RFX8: variants seen among roughly 807,000 people sequenced by gnomAD.
The protein encoded by RFX8 is DNA-binding protein RFX8.
Under a neutral mutation model 54.6 loss-of-function variants are expected in RFX8, and 46 were observed. The ratio of observed to expected loss-of-function variants is 0.84; its 90% CI spans 0.67 to 1.08. The LOEUF (loss-of-function observed/expected upper bound fraction) is 1.08, where lower values mean the gene tolerates loss of function less well. RFX8 is among the 50% of genes least tolerant of loss of function. The pLI, the probability that RFX8 is intolerant of heterozygous loss-of-function variation, is 0.00. For synonymous variants in RFX8, 192 were observed against 209.5 expected (o/e 0.92, Z 0.72); for missense variants, 536 against 562.3 (o/e 0.95, Z 0.47).
chr2:101,438,741 G>T (rs751394223), intron 2 of RFX8, among the ~76,000 whole-genome samples: 1 of 152,192 alleles, frequency 6.6e-6, no homozygotes, highest in Admixed American at 6.5e-5. Context: ...GGCATTGGGT[G>T]CTGTCACTAC....
intron 2 of RFX8, among the ~76,000 whole-genome samples, chr2:101,427,947 G>A (rs1337267274): frequency 6.6e-6 from 1 of 152,170 alleles, no homozygotes; most frequent in African/African-American, 2.4e-5. Flanking sequence ...GACAGTATCT[G>A]TTACGGACAG....
At chr2:101,469,034 ATATATATG>A (rs1689760530) in intron 1 of RFX8, among the ~76,000 whole-genome samples, 1 of 56,378 alleles carries the variant, frequency 1.8e-5, no homozygotes, top group African/African-American at 6.6e-5. Context: ...ATATATACGT[ATATATATG>A]TATATATATA....
At chr2:101,465,715 A>G (rs1042127188) in intron 2 of RFX8, among the ~76,000 whole-genome samples, 1 of 152,132 alleles carries the variant, frequency 6.6e-6, no homozygotes, top group Non-Finnish European at 1.5e-5. Context: ...CTTAATTTCA[A>G]CTCTTTAGAA....
chr2:101,422,365 ATTACAGGAGTATTTCT>A lies in RFX8; in HGVS notation c.164_179del (p.Lys55IlefsTer2). Reference sequence around the variant, plus strand: ...CTCCCCATGAGTGCAAACCTACCATATTACAGGAGTATTTCTTTGCCTGTTCTTGCTCCAGAAATGG... The same window carrying A: ...CTCCCCATGAGTGCAAACCTACCATATTGCCTGTTCTTGCTCCAGAAATGG... On this transcript the variant is annotated frameshift_variant, in exon 3 of 12. Coordinates refer to ENST00000428343, the MANE Select transcript of RFX8 (RefSeq NM_001145664.2). LOFTEE classifies it high-confidence loss of function. The A allele has an allele frequency of 1.4e-6, 2 of 1,475,550 alleles. No individual in the cohort carries two copies. The highest frequency in any genetic ancestry group is 1.9e-6 in the Non-Finnish European group (2 of 1,077,168). 91.4% of individuals were successfully genotyped at this position (1,475,550 alleles called of 1,614,324 possible). A position where few individuals can be genotyped will look rare whatever the true frequency, so the allele number is the denominator to read the frequency against.
intron 2 of RFX8, among the ~76,000 whole-genome samples, chr2:101,425,941 AACAG>A (rs1447756317): frequency 2.0e-5 from 3 of 152,212 alleles, no homozygotes; most frequent in African/African-American, 7.2e-5. Flanking sequence ...AATGGGTACA[AACAG>A]ACAGAAGAAA....
At chr2:101,472,426 C>G (rs1310587731) in intron 1 of RFX8, among the ~76,000 whole-genome samples, 1 of 152,112 alleles carries the variant, frequency 6.6e-6, no homozygotes, top group Non-Finnish European at 1.5e-5. Flanking sequence ...AACATACCAC[C>G]TCATCAACTG....
intron 9 of RFX8, among the ~76,000 whole-genome samples, chr2:101,408,299 C>G (rs1369557861): frequency 6.6e-6 from 1 of 152,078 alleles, no homozygotes; most frequent in East Asian, 1.9e-4. Context: ...TCCTGGCTAA[C>G]ACGGTGAAAC....
Position 101,461,753 on chromosome 2 carries a change from T to C in RFX8, c.72+5024A>G, listed in dbSNP as rs373109925. Among the ~76,000 whole-genome samples, 4 of 152,174 alleles carry C rather than the reference T, an allele frequency of 2.6e-5. No individual in the cohort carries two copies. The South Asian group carries it at 8.3e-4, about 32-fold the overall frequency. On this transcript the variant is annotated intron_variant, in intron 2 of 11. Coordinates refer to ENST00000428343, the MANE Select transcript of RFX8 (RefSeq NM_001145664.2). ...TAAGTTAAAAATTATACCCTGAATA[T>C]AGAGAGAACTGAAACAAATCAATAG...
At chr2:101,408,191 A>C (rs1685858525) in intron 9 of RFX8, among the ~76,000 whole-genome samples, 1 of 152,168 alleles carries the variant, frequency 6.6e-6, no homozygotes, top group Non-Finnish European at 1.5e-5. Flanking sequence ...TCATCTGATT[A>C]AAGCTGGAGG....
chr2:101,401,526 A>AG (rs1176568981), intron 11 of RFX8, among the ~76,000 whole-genome samples: 1 of 152,198 alleles, frequency 6.6e-6, no homozygotes, highest in Non-Finnish European at 1.5e-5. Flanking sequence ...TCTGTGCGAG[A>AG]GGGGGAACTT....
chr2:101,429,946 CA>C (rs1285996585), intron 2 of RFX8, among the ~76,000 whole-genome samples: 1 of 152,148 alleles, frequency 6.6e-6, no homozygotes, highest in East Asian at 1.9e-4. Flanking sequence ...TTGAAAGCCC[CA>C]GGGGCTCTCT....
chr2:101,467,217 G>A (rs1161311208), intron 1 of RFX8, among the ~76,000 whole-genome samples: 1 of 152,172 alleles, frequency 6.6e-6, no homozygotes, highest in Non-Finnish European at 1.5e-5. Flanking sequence ...CTGTTTCATA[G>A]ACCTTTACAA....
chr2:101,452,505 T>A (rs1688738894), intron 2 of RFX8: 3 of 741,956 alleles, frequency 4.0e-6, no homozygotes, highest in Non-Finnish European at 5.7e-6. Context: ...AAACTTCCAA[T>A]TTTTTATCTT....
At chr2:101,465,568 A>G (rs1689528105) in intron 2 of RFX8, among the ~76,000 whole-genome samples, 2 of 152,188 alleles carry the variant, frequency 1.3e-5, no homozygotes, top group Non-Finnish European at 2.9e-5. Flanking sequence ...GGTAAAATAC[A>G]ATAGGAATAA....
chr2:101,459,878 C>G (rs555484013), intron 2 of RFX8, among the ~76,000 whole-genome samples: 1 of 152,202 alleles, frequency 6.6e-6, no homozygotes, highest in African/African-American at 2.4e-5. Flanking sequence ...TGTTGCACTG[C>G]AGTGGGCTGC....
At chr2:101,463,078 CA>C (rs1689369941) in intron 2 of RFX8, among the ~76,000 whole-genome samples, 2 of 152,118 alleles carry the variant, frequency 1.3e-5, no homozygotes, top group Non-Finnish European at 2.9e-5. Context: ...ATCACCCATC[CA>C]CACATCGATC....
Position 101,425,990 on chromosome 2 carries a change from C to T in RFX8, c.73-3518G>A, listed in dbSNP as rs113185272. ...GGCTTTGATCAATCTAGTAGAGTGACTATAGTTCACAAAAATCTAGTTGAT... is the reference window on the plus strand; with the variant it reads ...GGCTTTGATCAATCTAGTAGAGTGATTATAGTTCACAAAAATCTAGTTGAT... On this transcript the variant is annotated intron_variant, in intron 2 of 11. Coordinates refer to ENST00000428343, the MANE Select transcript of RFX8 (RefSeq NM_001145664.2). Among the ~76,000 whole-genome samples, 1,166 of 152,064 alleles carry T rather than the reference C, an allele frequency of 7.7e-3. 20 individuals carry two copies. The highest frequency in any genetic ancestry group is 0.026 in the African/African-American group (1,067 of 41,462).
intron 9 of RFX8, 67 bp downstream of exon 9, chr2:101,410,552 G>A: frequency 2.5e-6 from 2 of 800,818 alleles, no homozygotes; most frequent in South Asian, 1.7e-5. Context: ...CATCCCTTAG[G>A]CAATGGGCAC....
chr2:101,408,494 A>C lies in RFX8; in HGVS notation c.813+2125T>G, dbSNP rs540423555. 1.1e-3 allele frequency among the ~76,000 whole-genome samples: 167 copies of C among 148,502 alleles called. 2 individuals are homozygous for C. The highest frequency in any genetic ancestry group is 0.01 in the Middle Eastern group (3 of 290). ...CGAGACTCCGTCTCAAAAAAAAAAA[A>C]CAAAAAAAACGCTGGAGGCTGAGTT... On this transcript the variant is annotated intron_variant, in intron 9 of 11. Coordinates refer to ENST00000428343, the MANE Select transcript of RFX8 (RefSeq NM_001145664.2).
Sources: gnomAD v4.1 joint callset for allele counts (sites outside exome capture counted in the v4.1 genomes callset) on GRCh38, gnomAD v4.1.1 for gene constraint, MANE v1.5 for transcripts, NCBI Gene and HGNC (gene_info 2026-07-23, HGNC 2026-07-21) for gene names.